AGPAT4: variants seen among roughly 807,000 people sequenced by gnomAD.
AGPAT4 encodes the protein 1-acyl-sn-glycerol-3-phosphate acyltransferase delta.
Under a neutral mutation model 48.0 loss-of-function variants are expected in AGPAT4, and 15 were observed. The ratio of observed to expected loss-of-function variants is 0.31; its 90% CI spans 0.21 to 0.48. AGPAT4 has a LOEUF of 0.48. Among genes scored for constraint, AGPAT4 ranks in the 20% least tolerant of loss-of-function variants. The pLI, the probability that AGPAT4 is intolerant of heterozygous loss-of-function variation, is 0.99. For synonymous variants in AGPAT4, 178 were observed against 198.7 expected (o/e 0.90, Z 0.88); for missense variants, 314 against 482.5 (o/e 0.65, Z 3.27).
rs1158997410 is a variant in AGPAT4, at chr6:161,266,109, A to G, written c.-90+7829T>C. ...CCTCTAGGGGATTTTTGGCTGTCAC[A>G]AGTAGGAGTGGGGTGACTACTCCTG... On this transcript the variant is annotated intron_variant, in intron 1 of 8. Coordinates refer to ENST00000320285, the MANE Select transcript of AGPAT4 (RefSeq NM_020133.3). The surrounding 1 kb of genome is among the most constrained non-coding windows in gnomAD (Gnocchi z 6.2). 1.3e-5 allele frequency among the ~76,000 whole-genome samples: 2 copies of G among 152,108 alleles called. No homozygotes were observed. The highest frequency in any genetic ancestry group is 2.1e-4 in the South Asian group (1 of 4,832).
rs1359707634 is a variant in AGPAT4 at position 161,249,711 on chromosome 6, G to T, written c.-89-17409C>A. 6.7e-6 allele frequency among the ~76,000 whole-genome samples: 1 copy of T among 149,724 alleles called. No individual in the cohort carries two copies. Among genetic ancestry groups the T allele is most frequent in the Non-Finnish European group, 1.5e-5 (1 of 66,892 alleles). Reference sequence around the variant, plus strand: ...AAAAGGAACACATACACCATTGGTGGGAGTGTAAGTTAGTTCAACCATTGT... The same window carrying T: ...AAAAGGAACACATACACCATTGGTGTGAGTGTAAGTTAGTTCAACCATTGT... On this transcript the variant is annotated intron_variant, in intron 1 of 8. Coordinates refer to ENST00000320285, the MANE Select transcript of AGPAT4 (RefSeq NM_020133.3). This position sits in a 1 kb window ranked among gnomAD's most constrained non-coding sequence, Gnocchi z 6.2.
In AGPAT4 at chr6:161,165,569, C is replaced by T. The variant is rs550894423; in HGVS notation, c.348+679G>A. The stretch of plus-strand genomic sequence containing the variant: ...TACACTGTGTACACTGTGATTCCTA[C>T]GGAATACCTGAGTACCGCAGATGAC... On this transcript the variant is annotated intron_variant, in intron 3 of 8. Coordinates refer to ENST00000320285, the MANE Select transcript of AGPAT4 (RefSeq NM_020133.3). The surrounding 1 kb of genome is among the most constrained non-coding windows in gnomAD (Gnocchi z 5.5). 1.9e-5 allele frequency: 24 copies of T among 1,289,622 alleles called. No homozygotes were observed. Among genetic ancestry groups the T allele is most frequent in the Admixed American group, 2.4e-5 (1 of 41,458 alleles). 79.9% of individuals were successfully genotyped at this position (1,289,622 alleles called of 1,614,324 possible). A position where few individuals can be genotyped will look rare whatever the true frequency, so the allele number is the denominator to read the frequency against.
Position 161,218,647 on chromosome 6 carries a change from T to A in AGPAT4, c.178+13389A>T, listed in dbSNP as rs929431678. Among the ~76,000 whole-genome samples, 1 of 152,120 alleles carries A rather than the reference T, an allele frequency of 6.6e-6. No homozygotes were observed. Among genetic ancestry groups the A allele is most frequent in the African/African-American group, 2.4e-5 (1 of 41,386 alleles). On this transcript the variant is annotated intron_variant, in intron 2 of 8. Coordinates refer to ENST00000320285, the MANE Select transcript of AGPAT4 (RefSeq NM_020133.3). This position sits in a 1 kb window ranked among gnomAD's most constrained non-coding sequence, Gnocchi z 4.7. ...CGCTCCACGGCCCTAGCACAGTGTATCCACATCAAATCTACTCAAAAACAG... is the reference window on the plus strand; with the variant it reads ...CGCTCCACGGCCCTAGCACAGTGTAACCACATCAAATCTACTCAAAAACAG...
rs143619546 is a variant in AGPAT4, at chr6:161,197,987, C to T, written c.179-31570G>A. ...ATTTTAATAAGTTCCCTTTTTGATA[C>T]GATGCATTTTCTATTTCTGTTTCCC... On this transcript the variant is annotated intron_variant, in intron 2 of 8. Coordinates refer to ENST00000320285, the MANE Select transcript of AGPAT4 (RefSeq NM_020133.3). The surrounding 1 kb of genome is among the most constrained non-coding windows in gnomAD (Gnocchi z 5.7). Among the ~76,000 whole-genome samples the T allele has an allele frequency of 5.8e-4, 89 of 152,236 alleles. No individual in the cohort carries two copies. The highest frequency in any genetic ancestry group is 1.7e-3 in the African/African-American group (71 of 41,536).
At chr6:161,170,373 T>G (rs954556704) in intron 2 of AGPAT4, among the ~76,000 whole-genome samples, 4 of 151,934 alleles carry the variant, frequency 2.6e-5, no homozygotes, top group African/African-American at 9.7e-5. Context: ...CCAACCTCCC[T>G]CCCTTCTCCA....
intron 1 of AGPAT4, among the ~76,000 whole-genome samples, chr6:161,260,025 G>T (rs1007689262): frequency 6.6e-6 from 1 of 152,206 alleles, no homozygotes; most frequent in East Asian, 1.9e-4. Flanking sequence ...AGTGAACTGC[G>T]TGCCACTATA....
intron 1 of AGPAT4, among the ~76,000 whole-genome samples, chr6:161,260,669 A>AC (rs1562361693): frequency 2.0e-5 from 3 of 150,560 alleles, no homozygotes; most frequent in Non-Finnish European, 4.4e-5. Flanking sequence ...AAAAAAAAAA[A>AC]AAAAAAAAAA....
intron 3 of AGPAT4, among the ~76,000 whole-genome samples, chr6:161,163,473 C>G (rs1422133143): frequency 6.6e-6 from 1 of 152,128 alleles, no homozygotes; most frequent in Non-Finnish European, 1.5e-5. Flanking sequence ...CGTTCTTTAC[C>G]CCCTTCCAGG....
chr6:161,166,487 G>A lies in AGPAT4; in HGVS notation c.179-70C>T. 1 of 1,498,360 alleles carries A rather than the reference G, an allele frequency of 6.7e-7. No individual in the cohort carries two copies. Among genetic ancestry groups the A allele is most frequent in the Non-Finnish European group, 8.9e-7 (1 of 1,122,084 alleles). The allele number at this position is 1,498,360 out of a possible 1,614,324, so 92.8% of individuals were successfully genotyped here. A position where few individuals can be genotyped will look rare whatever the true frequency, so the allele number is the denominator to read the frequency against. On this transcript the variant is annotated intron_variant, in intron 2 of 8. Transcript: ENST00000320285. This position sits in a 1 kb window ranked among gnomAD's most constrained non-coding sequence, Gnocchi z 6.7. ...GTCCTGGGAGCCCTGCTGAGAGCAG[G>A]GCTCTGCCCTCCCAGCTAGGGGAGA... is the stretch of plus-strand genomic sequence containing the variant.
In AGPAT4 at chr6:161,139,597, G is replaced by A. The variant is rs1323059033; in HGVS notation, c.867C>T (p.Tyr289=). The A allele has an allele frequency of 1.2e-6, 2 of 1,608,550 alleles. No homozygotes were observed. The highest frequency in any genetic ancestry group is 1.7e-6 in the Non-Finnish European group (2 of 1,175,760). ...GCGTCTCTGGGAAGGTGCCCGTCCT[G>A]TAGTACTCCTCCTGAAAGGCATCCT... ...QEKDAFQEEY[Y]RTGTFPETPM... Residue 289 remains tyrosine (Y), a synonymous_variant, in exon 8 of 9, where the codon TAC becomes TAT. Coordinates refer to ENST00000320285, the MANE Select transcript of AGPAT4 (RefSeq NM_020133.3). This position sits in a 1 kb window ranked among gnomAD's most constrained non-coding sequence, Gnocchi z 9.1.
In AGPAT4 at chr6:161,178,403, G is replaced by C. The variant is rs1241239074; in HGVS notation, c.179-11986C>G. Among the ~76,000 whole-genome samples, 3 of 152,234 alleles carry C rather than the reference G, an allele frequency of 2.0e-5. No homozygotes were observed. The highest frequency in any genetic ancestry group is 7.2e-5 in the African/African-American group (3 of 41,474). ...AGACTTCTGTGCTAGCAATGAGCAAGGCTCCGTGGGCGTCGGACCCTCTGA... is the reference window on the plus strand; with the variant it reads ...AGACTTCTGTGCTAGCAATGAGCAACGCTCCGTGGGCGTCGGACCCTCTGA... On this transcript the variant is annotated intron_variant, in intron 2 of 8. Transcript: ENST00000320285. This position sits in a 1 kb window ranked among gnomAD's most constrained non-coding sequence, Gnocchi z 5.1.
At chr6:161,175,352 C>T (rs952964445) in intron 2 of AGPAT4, among the ~76,000 whole-genome samples, 18 of 152,104 alleles carry the variant, frequency 1.2e-4, no homozygotes, top group African/African-American at 3.9e-4. Context: ...TTCAGGGATT[C>T]AACTTCTTCC....
Position 161,139,675 on chromosome 6 carries a change from C to A in AGPAT4, c.844-55G>T. On this transcript the variant is annotated intron_variant, in intron 7 of 8. Coordinates refer to ENST00000320285, the MANE Select transcript of AGPAT4 (RefSeq NM_020133.3). The surrounding 1 kb of genome is among the most constrained non-coding windows in gnomAD (Gnocchi z 9.1). The stretch of plus-strand genomic sequence containing the variant: ...GCCACACGGGGCTCGGTGGCAGGTC[C>A]CTCCCGAGGCCCTGCTTCCAAGGGA... 1 of 1,463,428 alleles carries A rather than the reference C, an allele frequency of 6.8e-7. No homozygotes were observed. The highest frequency in any genetic ancestry group is 2.0e-5 in the Admixed American group (1 of 48,908). The allele number at this position is 1,463,428 out of a possible 1,614,324, so 90.7% of individuals were successfully genotyped here. A position where few individuals can be genotyped will look rare whatever the true frequency, so the allele number is the denominator to read the frequency against.
intron 7 of AGPAT4, among the ~76,000 whole-genome samples, chr6:161,145,410 G>A (rs1274806997): frequency 2.6e-5 from 4 of 151,616 alleles, no homozygotes; most frequent in Non-Finnish European, 4.4e-5. Context: ...ATAGGAAAGA[G>A]GCCCACATGC....
At chr6:161,194,622 GTGTGTA>G (rs1202746560) in intron 2 of AGPAT4, among the ~76,000 whole-genome samples, 2 of 144,478 alleles carry the variant, frequency 1.4e-5, no homozygotes, top group African/African-American at 2.7e-5. Context: ...ATGTGTACAT[GTGTGTA>G]TGTGTATGTG....
rs377444402 is a variant in AGPAT4, at chr6:161,260,655, CAAAAAAAAAA to C, written c.-90+13273_-90+13282del. Among the ~76,000 whole-genome samples the C allele has an allele frequency of 7.0e-4, 32 of 45,670 alleles. No individual in the cohort carries two copies. In the Admixed American group the frequency reaches 8.7e-3, roughly 12 times the overall value. 30.0% of individuals were successfully genotyped at this position (45,670 alleles called of 152,430 possible). A position where few individuals can be genotyped will look rare whatever the true frequency, so the allele number is the denominator to read the frequency against. On this transcript the variant is annotated intron_variant, in intron 1 of 8. Coordinates refer to ENST00000320285, the MANE Select transcript of AGPAT4 (RefSeq NM_020133.3). ...TGGGCCACAAAAGGAGACTACGTCTCAAAAAAAAAAAAAAAAAAAAAAAAAAACAGGATTC... is the reference window on the plus strand; with the variant it reads ...TGGGCCACAAAAGGAGACTACGTCTCAAAAAAAAAAAAAAAAACAGGATTC...
rs1391771128 is a variant in AGPAT4 at position 161,159,736 on chromosome 6, C to T, written c.349-5426G>A. ...TCAGCTCACTGCAATCTCTGCCTCC[C>T]GGGTTCAAGCGATTCTCCTGCCTCA... On this transcript the variant is annotated intron_variant, in intron 3 of 8. Transcript: ENST00000320285. This position sits in a 1 kb window ranked among gnomAD's most constrained non-coding sequence, Gnocchi z 4.1. 4.7e-5 allele frequency among the ~76,000 whole-genome samples: 7 copies of T among 149,840 alleles called. No individual in the cohort carries two copies. In the East Asian group the frequency reaches 7.9e-4, roughly 17 times the overall value.
rs1310909152 is a variant in AGPAT4, at chr6:161,138,091, A to G, written c.1042+1331T>C. Among the ~76,000 whole-genome samples the G allele has an allele frequency of 6.6e-6, 1 of 152,174 alleles. No homozygotes were observed. The highest frequency in any genetic ancestry group is 2.4e-5 in the African/African-American group (1 of 41,446). On this transcript the variant is annotated intron_variant, in intron 8 of 8. Transcript: ENST00000320285. This position sits in a 1 kb window ranked among gnomAD's most constrained non-coding sequence, Gnocchi z 4.8. The stretch of plus-strand genomic sequence containing the variant: ...GGGTTGAGCTTGCCCCCGCCCTACC[A>G]GGGGCCCTGGCACCTGCAGCTGCCC...
rs948655449 is a variant in AGPAT4 at position 161,261,804 on chromosome 6, C to T, written c.-90+12134G>A. 2.6e-5 allele frequency among the ~76,000 whole-genome samples: 4 copies of T among 152,192 alleles called. No homozygotes were observed. Among genetic ancestry groups the T allele is most frequent in the African/African-American group, 9.7e-5 (4 of 41,444 alleles). ...TGAGTGGACCTTCGGCTTCTGACTG[C>T]ATTTTCCTAGCACAGAGCTGTGAAT... On this transcript the variant is annotated intron_variant, in intron 1 of 8. Transcript: ENST00000320285. The surrounding 1 kb of genome is among the most constrained non-coding windows in gnomAD (Gnocchi z 5.3).
Sources: allele counts gnomAD v4.1 joint callset (sites outside exome capture counted in the v4.1 genomes callset), GRCh38; gene constraint gnomAD v4.1.1; non-coding constraint Gnocchi (gnomAD v3.1); transcripts MANE v1.5; gene names NCBI Gene and HGNC (gene_info 2026-07-23, HGNC 2026-07-21).